TRERF1: variants seen among roughly 807,000 people sequenced by gnomAD.
TRERF1 encodes transcriptional-regulating factor 1.
Under a neutral mutation model 122.9 loss-of-function variants are expected in TRERF1, and 27 were observed. That is an observed-to-expected ratio of 0.22 (90% CI 0.16 to 0.30). The LOEUF is 0.30. TRERF1 is among the 10% of genes least tolerant of loss of function. The pLI is 1.00. For synonymous variants in TRERF1, 636 were observed against 641.7 expected, an observed-to-expected ratio of 0.99 and a Z score of 0.13; for missense variants, 1,248 against 1,560.3, an observed-to-expected ratio of 0.80 and a Z score of 3.37.
chr6:42,298,098 T>C (rs1287664976), intron 4 of TRERF1, among the ~76,000 whole-genome samples: 1 of 152,072 alleles, frequency 6.6e-6, no homozygotes, highest in Non-Finnish European at 1.5e-5. Context: ...AAGAGCATTT[T>C]AGACACATAA....
rs1163733399 is a variant in TRERF1, at chr6:42,250,939, CCTTT to C, written c.2656+3908_2656+3911del. 7.3e-5 allele frequency among the ~76,000 whole-genome samples: 11 copies of C among 150,836 alleles called. No homozygotes were observed. The East Asian group carries it at 1.9e-3, about 27-fold the overall frequency. On this transcript the variant is annotated intron_variant, in intron 13 of 17. Coordinates refer to ENST00000372922, the Ensembl canonical transcript of TRERF1. Reference sequence around the variant, plus strand: ...TTTGGACACAGTATCTTTTAGAGGGCCTTTCTGTCTTTCTTAAAACTTCTATTAT... The same window carrying C: ...TTTGGACACAGTATCTTTTAGAGGGCCTGTCTTTCTTAAAACTTCTATTAT...
chr6:42,418,097 A>C (rs1782107836), intron 2 of TRERF1, among the ~76,000 whole-genome samples: 1 of 152,078 alleles, frequency 6.6e-6, no homozygotes, highest in Non-Finnish European at 1.5e-5. Flanking sequence ...ACGTGCACCC[A>C]ATCACCTGAA....
intron 2 of TRERF1, among the ~76,000 whole-genome samples, chr6:42,424,774 G>C (rs1318097527): frequency 6.6e-6 from 1 of 152,184 alleles, no homozygotes; most frequent in East Asian, 1.9e-4. Context: ...ATGAAATTAA[G>C]TGTCTCATCA....
At chr6:42,437,384 C>A (rs12201258) in intron 2 of TRERF1, among the ~76,000 whole-genome samples, 12,859 of 152,224 alleles carry the variant, frequency 0.084, 696 homozygotes, top group African/African-American at 0.15. Context: ...CAGAGTTTCA[C>A]CCCCTCAGAA....
chr6:42,383,672 C>G (rs1258458844), intron 2 of TRERF1, among the ~76,000 whole-genome samples: 1 of 152,158 alleles, frequency 6.6e-6, no homozygotes, highest in African/African-American at 2.4e-5. Context: ...AGAGTTGATC[C>G]ATCCCACTCA....
At chr6:42,374,150 A>AGAAGAAGAAGAAGAAG (rs1554193490) in intron 2 of TRERF1, among the ~76,000 whole-genome samples, 20 of 143,962 alleles carry the variant, frequency 1.4e-4, no homozygotes, top group African/African-American at 5.2e-4. Context: ...AAAAAAAAAA[A>AGAAGAAGAAGAAGAAG]AAGAAGAAGA....
intron 2 of TRERF1, among the ~76,000 whole-genome samples, chr6:42,380,655 C>T (rs1178761999): frequency 2.0e-5 from 3 of 152,218 alleles, no homozygotes; most frequent in South Asian, 2.1e-4. Flanking sequence ...AGCAATTCCC[C>T]ACCGCCTGCC....
chr6:42,398,080 T>C (rs1778880951), intron 2 of TRERF1, among the ~76,000 whole-genome samples: 1 of 152,120 alleles, frequency 6.6e-6, no homozygotes, highest in Non-Finnish European at 1.5e-5. Flanking sequence ...AGGTGATAAG[T>C]CAGTAGGATG....
At chr6:42,365,716 C>T (rs2150988599) in intron 2 of TRERF1, among the ~76,000 whole-genome samples, 1 of 152,222 alleles carries the variant, frequency 6.6e-6, no homozygotes, top group Admixed American at 6.5e-5. Flanking sequence ...CTTCCACTTC[C>T]CTCTCGTCTT....
chr6:42,231,141 C>T (rs765875747), intron 17 of TRERF1, among the ~76,000 whole-genome samples: 1 of 152,158 alleles, frequency 6.6e-6, no homozygotes, highest in Non-Finnish European at 1.5e-5. Flanking sequence ...GAGGGCCTCA[C>T]CCTCATGAAT....
chr6:42,290,741 C>CTTTTTTTTTTTTTT (rs144168592), intron 4 of TRERF1, among the ~76,000 whole-genome samples: 2 of 92,414 alleles, frequency 2.2e-5, no homozygotes, highest in African/African-American at 9.1e-5. Context: ...CATTTCTTTC[C>CTTTTTTTTTTTTTT]TTTTTTTTTT....
chr6:42,303,892 G>A (rs149009953), intron 3 of TRERF1, among the ~76,000 whole-genome samples: 178 of 108,388 alleles, frequency 1.6e-3, no homozygotes, highest in Admixed American at 3.3e-3. Flanking sequence ...GACAGAGGGA[G>A]ACACTGTCTC....
intron 2 of TRERF1, among the ~76,000 whole-genome samples, chr6:42,428,357 T>C (rs1367544041): frequency 1.3e-5 from 2 of 152,218 alleles, no homozygotes; most frequent in African/African-American, 4.8e-5. Flanking sequence ...GCTGTTGGCT[T>C]TTTGAAGCTC....
At position 42,232,762 on chromosome 6, in the gene TRERF1, G is replaced by A. The variant is rs529112775; in HGVS notation, c.3197C>T (p.Ser1066Leu). ...GCTGTGAGAGGGTGAGCTCTTTACCGAACAGTACCCACTCTGGGTGCCACC... is the reference window on the plus strand; with the variant it reads ...GCTGTGAGAGGGTGAGCTCTTTACCAAACAGTACCCACTCTGGGTGCCACC... The change falls in exon 17 of 18, where the codon TCG becomes TTG. Residue 1066 changes from serine (S) to leucine (L), a missense_variant. Ser to Leu is a moderately radical substitution (Grantham distance 145). Transcript: ENST00000372922. The surrounding 1 kb of genome is among the most constrained non-coding windows in gnomAD (Gnocchi z 4.5). 52 of 1,612,596 alleles carry A rather than the reference G, an allele frequency of 3.2e-5. No individual in the cohort carries two copies. The highest frequency in any genetic ancestry group is 8.3e-5 in the Admixed American group (5 of 59,948).
intron 3 of TRERF1, among the ~76,000 whole-genome samples, chr6:42,342,231 C>T (rs1164880873): frequency 1.3e-5 from 2 of 152,170 alleles, no homozygotes; most frequent in Admixed American, 1.3e-4. Flanking sequence ...TTCAGTTCAT[C>T]CTAGCTTTCC....
intron 2 of TRERF1, among the ~76,000 whole-genome samples, chr6:42,403,519 G>A (rs570030061): frequency 1.3e-4 from 20 of 152,280 alleles, no homozygotes; most frequent in Admixed American, 8.5e-4. Flanking sequence ...AGAGAGGCAC[G>A]GAGCAGTTTC....
At chr6:42,265,675 A>G in intron 6 of TRERF1, 76 bp downstream of exon 6, 1 of 1,449,570 alleles carries the variant, frequency 6.9e-7, no homozygotes, top group Non-Finnish European at 9.5e-7. Flanking sequence ...CTTGGAATTT[A>G]AAAATGAATC....
intron 3 of TRERF1, among the ~76,000 whole-genome samples, chr6:42,337,940 A>ACAG (rs1766507996): frequency 6.6e-6 from 1 of 152,144 alleles, no homozygotes. Context: ...TGGACCAGCA[A>ACAG]CAGCAGCAGC....
At chr6:42,295,662 A>G (rs1310069394) in intron 4 of TRERF1, among the ~76,000 whole-genome samples, 1 of 152,182 alleles carries the variant, frequency 6.6e-6, no homozygotes, top group African/African-American at 2.4e-5. Flanking sequence ...CCTCTTGGAT[A>G]TCCACTCTGA....
Sources: allele counts gnomAD v4.1 joint callset (sites outside exome capture counted in the v4.1 genomes callset), GRCh38; gene constraint gnomAD v4.1.1; non-coding constraint Gnocchi (gnomAD v3.1); transcripts MANE v1.5; gene names NCBI Gene and HGNC (gene_info 2026-07-23, HGNC 2026-07-21).